GRM7: variants seen among roughly 807,000 people sequenced by gnomAD.
GRM7 encodes the protein glutamate metabotropic receptor 7.
GRM7 carries 35 observed loss-of-function variants against 84.5 expected under a neutral mutation model. The observed-to-expected ratio is 0.41, with a 90% CI of 0.32 to 0.55. GRM7 has a LOEUF of 0.55. Among genes scored for constraint, GRM7 ranks in the 20% least tolerant of loss-of-function variants. The pLI, the probability that GRM7 is intolerant of heterozygous loss-of-function variation, is 0.19. For missense variants in GRM7, 1,003 were observed against 1,194.6 expected (o/e 0.84, Z 2.36); for synonymous variants, 487 against 455.1 (o/e 1.07, Z -0.89).
chr3:7,198,168 AAG>A (rs1553630537), intron 2 of GRM7, among the ~76,000 whole-genome samples: 2 of 151,090 alleles, frequency 1.3e-5, no homozygotes, highest in Admixed American at 1.3e-4. Context: ...AAAAAAAAAA[AAG>A]AGAGAGATGG....
At chr3:6,864,635 C>T (rs1281962353) in intron 1 of GRM7, among the ~76,000 whole-genome samples, 1 of 152,110 alleles carries the variant, frequency 6.6e-6, no homozygotes, top group Non-Finnish European at 1.5e-5. Context: ...TTCCTCTGTT[C>T]CCTGCAGGTT....
intron 7 of GRM7, among the ~76,000 whole-genome samples, chr3:7,533,763 C>A (rs951386722): frequency 2.0e-5 from 3 of 152,140 alleles, no homozygotes; most frequent in African/African-American, 7.2e-5. Flanking sequence ...TATTTAATTC[C>A]CACTGGTAAG....
chr3:7,543,981 C>T (rs754901163), intron 7 of GRM7, among the ~76,000 whole-genome samples: 7 of 152,110 alleles, frequency 4.6e-5, no homozygotes, highest in Non-Finnish European at 8.8e-5. Flanking sequence ...TGTATAAGTT[C>T]CACAATTATG....
intron 1 of GRM7, among the ~76,000 whole-genome samples, chr3:6,949,726 C>A (rs550759156): frequency 4.6e-4 from 70 of 152,238 alleles, no homozygotes; most frequent in African/African-American, 1.4e-3. Flanking sequence ...TTCACATAGT[C>A]CCATATTTCT....
chr3:7,490,867 G>T (rs767204254), intron 7 of GRM7, among the ~76,000 whole-genome samples: 28 of 151,974 alleles, frequency 1.8e-4, no homozygotes, highest in Non-Finnish European at 3.5e-4. Flanking sequence ...AAGATACTGA[G>T]AGTCTTGAAA....
chr3:7,232,525 A>C (rs1309614191), intron 2 of GRM7, among the ~76,000 whole-genome samples: 1 of 152,180 alleles, frequency 6.6e-6, no homozygotes, highest in Non-Finnish European at 1.5e-5. Flanking sequence ...AATGTGAAAG[A>C]GGGAAAACTG....
At chr3:7,653,435 A>G (rs1193243500) in intron 8 of GRM7, among the ~76,000 whole-genome samples, 1 of 152,106 alleles carries the variant, frequency 6.6e-6, no homozygotes, top group Non-Finnish European at 1.5e-5. Flanking sequence ...CTGAGAAGCC[A>G]TTGGATTTCT....
chr3:7,659,805 T>TTTCCTATTCTAGTCTC lies in GRM7; in HGVS notation c.2452-20241_2452-20226dup, dbSNP rs750999068. Among the ~76,000 whole-genome samples the TTTCCTATTCTAGTCTC allele has an allele frequency of 1.2e-3, 179 of 152,310 alleles. 1 individual carries two copies. Among genetic ancestry groups the TTTCCTATTCTAGTCTC allele is most frequent in the Middle Eastern group, 6.8e-3 (2 of 294 alleles). On this transcript the variant is annotated intron_variant, in intron 8 of 9. Transcript: ENST00000357716. ...GTTTTAAAAAGGGTGAGGATTTTGTTTTCCTATTCTAGTCTCTTGGGAGCT... is the reference window on the plus strand; with the variant it reads ...GTTTTAAAAAGGGTGAGGATTTTGTTTTCCTATTCTAGTCTCTTCCTATTCTAGTCTCTTGGGAGCT...
At chr3:7,608,298 G>A (rs1696688476) in intron 8 of GRM7, among the ~76,000 whole-genome samples, 1 of 151,960 alleles carries the variant, frequency 6.6e-6, no homozygotes, top group Non-Finnish European at 1.5e-5. Flanking sequence ...GCTTTTTGAG[G>A]AATCGCTTTC....
intron 2 of GRM7, among the ~76,000 whole-genome samples, chr3:7,170,400 C>T (rs985709791): frequency 1.7e-4 from 26 of 152,152 alleles, no homozygotes; most frequent in Non-Finnish European, 2.8e-4. Context: ...CTGCCAGGAA[C>T]ATAACTCTGC....
chr3:7,073,886 G>C (rs1697969951), intron 1 of GRM7, among the ~76,000 whole-genome samples: 1 of 152,124 alleles, frequency 6.6e-6, no homozygotes, highest in African/African-American at 2.4e-5. Context: ...ATGTCATGGA[G>C]ATTGATCATT....
intron 1 of GRM7, among the ~76,000 whole-genome samples, chr3:7,075,428 T>G (rs1698030696): frequency 6.6e-6 from 1 of 151,942 alleles, no homozygotes. Context: ...TTCACTGCCT[T>G]CCTTCAACTC....
At chr3:7,086,684 C>G (rs1240551208) in intron 1 of GRM7, among the ~76,000 whole-genome samples, 2 of 152,004 alleles carry the variant, frequency 1.3e-5, no homozygotes, top group Non-Finnish European at 2.9e-5. Context: ...AAGCTTCCAG[C>G]GAGTTGGAAG....
At chr3:7,256,332 G>A (rs1698197443) in intron 2 of GRM7, among the ~76,000 whole-genome samples, 1 of 152,094 alleles carries the variant, frequency 6.6e-6, no homozygotes, top group African/African-American at 2.4e-5. Flanking sequence ...TCCATTAGGT[G>A]TTCAATAAGT....
intron 8 of GRM7, among the ~76,000 whole-genome samples, chr3:7,634,792 TCAAAAAAAAAAAAA>T (rs1348503943): frequency 2.8e-5 from 2 of 72,588 alleles, no homozygotes; most frequent in Non-Finnish European, 5.5e-5. Flanking sequence ...AGACTCTGTC[TCAAAAAAAAAAAAA>T]GAAAAAGAAA....
intron 7 of GRM7, among the ~76,000 whole-genome samples, chr3:7,474,209 A>C (rs1305656622): frequency 6.6e-6 from 1 of 152,192 alleles, no homozygotes; most frequent in Non-Finnish European, 1.5e-5. Flanking sequence ...TGCTTAAGCA[A>C]GACAATTCCA....
chr3:7,467,062 T>C (rs1698488733), intron 7 of GRM7, among the ~76,000 whole-genome samples: 1 of 152,160 alleles, frequency 6.6e-6, no homozygotes, highest in Non-Finnish European at 1.5e-5. Flanking sequence ...TTAGTCCCTC[T>C]TCCTCCTTCT....
intron 8 of GRM7, among the ~76,000 whole-genome samples, chr3:7,589,609 G>C (rs1248184565): frequency 2.0e-5 from 3 of 152,122 alleles, no homozygotes; most frequent in African/African-American, 7.2e-5. Flanking sequence ...TTATTCCAGG[G>C]TTGAGAGCTG....
At chr3:7,314,860 C>T (rs1223427272) in intron 4 of GRM7, among the ~76,000 whole-genome samples, 1 of 152,062 alleles carries the variant, frequency 6.6e-6, no homozygotes, top group Non-Finnish European at 1.5e-5. Context: ...AAATCCTTGG[C>T]ATTGGAATCT....
Sources: allele counts gnomAD v4.1 joint callset (sites outside exome capture counted in the v4.1 genomes callset), GRCh38; gene constraint gnomAD v4.1.1; transcripts MANE v1.5; gene names NCBI Gene and HGNC (gene_info 2026-07-23, HGNC 2026-07-21).